The following ROBO1 variants were observed in gnomAD, a reference collection of about 807,000 sequenced individuals.
ROBO1 encodes roundabout guidance receptor 1.
ROBO1 carries 149 observed loss-of-function variants against 195.9 expected under a neutral mutation model. The observed-to-expected ratio is 0.76, with a 90% CI of 0.67 to 0.87. The LOEUF (loss-of-function observed/expected upper bound fraction) is 0.87, where lower values mean the gene tolerates loss of function less well. Ranked by LOEUF, ROBO1 falls within the 40% of genes least tolerant of loss-of-function variation. The pLI is 0.00. For missense variants in ROBO1, 1,933 were observed against 2,068.3 expected (o/e 0.93, Z 1.27); for synonymous variants, 816 against 733.2 (o/e 1.11, Z -1.82).
intron 4 of ROBO1, among the ~76,000 whole-genome samples, chr3:78,840,026 G>A (rs1576268178): frequency 1.3e-5 from 2 of 152,156 alleles, no homozygotes; most frequent in Non-Finnish European, 1.5e-5. Context: ...AAGGCAATAC[G>A]GGACTGTGTC....
At chr3:79,649,316 T>C (rs1442282986) in intron 1 of ROBO1, among the ~76,000 whole-genome samples, 2 of 152,036 alleles carry the variant, frequency 1.3e-5, no homozygotes, top group Middle Eastern at 3.2e-3. Flanking sequence ...ATAATAACTA[T>C]ATTTATGTAA....
intron 4 of ROBO1, among the ~76,000 whole-genome samples, chr3:78,929,800 T>C (rs562564214): frequency 2.1e-3 from 313 of 152,186 alleles, no homozygotes; most frequent in Non-Finnish European, 3.5e-3. Flanking sequence ...CCACTGTGCT[T>C]GACCGAGAAA....
chr3:78,890,200 A>G (rs1231250267), intron 4 of ROBO1, among the ~76,000 whole-genome samples: 1 of 152,160 alleles, frequency 6.6e-6, no homozygotes, highest in Non-Finnish European at 1.5e-5. Flanking sequence ...TGGCCAGACT[A>G]GGTATTCAAT....
chr3:78,898,403 T>C (rs946709793), intron 4 of ROBO1, among the ~76,000 whole-genome samples: 4 of 143,540 alleles, frequency 2.8e-5, no homozygotes, highest in African/African-American at 7.7e-5. Flanking sequence ...TTTTTTTTTT[T>C]TTGAGACGGA....
chr3:78,720,523 G>C (rs1398215440), intron 5 of ROBO1, among the ~76,000 whole-genome samples: 1 of 152,176 alleles, frequency 6.6e-6, no homozygotes, highest in Non-Finnish European at 1.5e-5. Flanking sequence ...AACCATTGTG[G>C]AAGACAGTGT....
At chr3:79,271,855 C>T (rs549972911) in intron 2 of ROBO1, among the ~76,000 whole-genome samples, 1 of 151,892 alleles carries the variant, frequency 6.6e-6, no homozygotes, top group African/African-American at 2.4e-5. Flanking sequence ...ACAATTTGAG[C>T]CCTTCATTAT....
At chr3:78,834,277 G>C (rs564348020) in intron 4 of ROBO1, among the ~76,000 whole-genome samples, 1 of 151,956 alleles carries the variant, frequency 6.6e-6, no homozygotes, top group African/African-American at 2.4e-5. Flanking sequence ...GGGGCACAGG[G>C]AGAAAGAGAA....
intron 2 of ROBO1, among the ~76,000 whole-genome samples, chr3:79,144,078 T>A (rs2080591317): frequency 6.6e-6 from 1 of 152,098 alleles, no homozygotes; most frequent in Non-Finnish European, 1.5e-5. Context: ...GATATGGATG[T>A]ACTAGAGTTT....
chr3:79,452,254 CAA>C (rs1175220511), intron 2 of ROBO1, among the ~76,000 whole-genome samples: 1 of 151,990 alleles, frequency 6.6e-6, no homozygotes, highest in African/African-American at 2.4e-5. Flanking sequence ...TAAATAAATA[CAA>C]AGTTTTTTAA....
At chr3:79,112,581 GT>G in intron 3 of ROBO1, among the ~76,000 whole-genome samples, 2 of 152,208 alleles carry the variant, frequency 1.3e-5, no homozygotes, top group Admixed American at 1.3e-4. Flanking sequence ...ATTTACCAAG[GT>G]CCAAATGAGT....
chr3:79,066,403 C>T (rs2079003298), intron 3 of ROBO1, among the ~76,000 whole-genome samples: 1 of 151,734 alleles, frequency 6.6e-6, no homozygotes, highest in Non-Finnish European at 1.5e-5. Context: ...TGTTTGTTTT[C>T]ATTTTCTTTA....
intron 18 of ROBO1, among the ~76,000 whole-genome samples, chr3:78,654,896 T>C (rs1706899894): frequency 6.6e-6 from 1 of 152,222 alleles, no homozygotes; most frequent in African/African-American, 2.4e-5. Flanking sequence ...ATCACAGTGT[T>C]AACTTATTTC....
At chr3:78,948,642 A>G (rs547443496) in intron 3 of ROBO1, among the ~76,000 whole-genome samples, 1 of 152,164 alleles carries the variant, frequency 6.6e-6, no homozygotes, top group Non-Finnish European at 1.5e-5. Context: ...CCTATTCAAC[A>G]TAGTGTTGGA....
chr3:78,802,384 A>C (rs2084396296), intron 4 of ROBO1, among the ~76,000 whole-genome samples: 1 of 152,190 alleles, frequency 6.6e-6, no homozygotes. Flanking sequence ...TAAAATAAAC[A>C]CAAACTAGAC....
intron 3 of ROBO1, among the ~76,000 whole-genome samples, chr3:78,961,934 G>GTT (rs1430034334): frequency 1.3e-5 from 2 of 149,502 alleles, no homozygotes; most frequent in South Asian, 2.1e-4. Flanking sequence ...CATGTTTTTT[G>GTT]TTTTTTGTTT....
intron 2 of ROBO1, among the ~76,000 whole-genome samples, chr3:79,427,314 C>A (rs1266176047): frequency 6.6e-6 from 1 of 152,122 alleles, no homozygotes; most frequent in Non-Finnish European, 1.5e-5. Flanking sequence ...GCTCAAGATG[C>A]CTTTCAACAC....
chr3:78,754,888 A>C (rs1028959973), intron 4 of ROBO1, among the ~76,000 whole-genome samples: 1 of 152,228 alleles, frequency 6.6e-6, no homozygotes, highest in Non-Finnish European at 1.5e-5. Context: ...TATCCTCGGG[A>C]AGTGCATTGC....
At chr3:79,237,652 G>A (rs1459996902) in intron 2 of ROBO1, among the ~76,000 whole-genome samples, 1 of 151,894 alleles carries the variant, frequency 6.6e-6, no homozygotes. Context: ...TTTCTCCGGC[G>A]GTCACTCTAT....
At chr3:79,571,463 G>T (rs566545446) in intron 2 of ROBO1, among the ~76,000 whole-genome samples, 4 of 151,928 alleles carry the variant, frequency 2.6e-5, no homozygotes, top group Non-Finnish European at 5.9e-5. Flanking sequence ...TCAAAGGGGG[G>T]AAAAAGCCAA....
Sources: gnomAD v4.1 joint callset for allele counts (sites outside exome capture counted in the v4.1 genomes callset) on GRCh38, gnomAD v4.1.1 for gene constraint, MANE v1.5 for transcripts, NCBI Gene and HGNC (gene_info 2026-07-23, HGNC 2026-07-21) for gene names.